LARGE1: variants seen among roughly 807,000 people sequenced by gnomAD.
The protein encoded by LARGE1 is xylosyl- and glucuronyltransferase LARGE1.
LARGE1 carries 43 observed loss-of-function variants against 87.6 expected under a neutral mutation model. The ratio of observed to expected loss-of-function variants is 0.49; its 90% CI spans 0.38 to 0.63. LARGE1 has a LOEUF of 0.63. Among genes scored for constraint, LARGE1 ranks in the 30% least tolerant of loss-of-function variants. LARGE1 has a pLI of 0.00. For missense variants in LARGE1, 802 were observed against 1,000.2 expected (o/e 0.80, Z 2.67); for synonymous variants, 434 against 394.6 (o/e 1.10, Z -1.18).
intron 7 of LARGE1, among the ~76,000 whole-genome samples, chr22:33,394,355 C>A (rs2065644857): frequency 6.6e-6 from 1 of 152,124 alleles, no homozygotes; most frequent in African/African-American, 2.4e-5. Flanking sequence ...TGTGCCACCA[C>A]ACCCAGCTAA....
intron 6 of LARGE1, among the ~76,000 whole-genome samples, chr22:33,500,648 A>G (rs1569216835): frequency 6.6e-6 from 1 of 152,172 alleles, no homozygotes; most frequent in Non-Finnish European, 1.5e-5. Flanking sequence ...CAGGCAAACT[A>G]CTTAACCACT....
At chr22:33,362,141 C>T (rs1203935014) in intron 9 of LARGE1, among the ~76,000 whole-genome samples, 2 of 149,144 alleles carry the variant, frequency 1.3e-5, no homozygotes, top group Admixed American at 6.6e-5. Flanking sequence ...CCCTTGGGCC[C>T]TTCCCTTCTC....
intron 5 of LARGE1, among the ~76,000 whole-genome samples, chr22:33,587,719 G>T: frequency 1.4e-5 from 2 of 138,000 alleles, no homozygotes; most frequent in East Asian, 2.1e-4. Flanking sequence ...CAAATCTACT[G>T]GAGTTTTCCT....
chr22:33,591,050 A>G (rs1350253804), intron 5 of LARGE1, among the ~76,000 whole-genome samples: 1 of 152,028 alleles, frequency 6.6e-6, no homozygotes, highest in Non-Finnish European at 1.5e-5. Flanking sequence ...AAAATACAGA[A>G]ATTAGCTGGG....
intron 11 of LARGE1, among the ~76,000 whole-genome samples, chr22:33,310,033 T>A (rs1026072374): frequency 1.3e-5 from 2 of 152,210 alleles, no homozygotes; most frequent in African/African-American, 4.8e-5. Context: ...CGGTCAGTGC[T>A]TTCAAATGTA....
chr22:33,547,127 T>C (rs538055086), intron 6 of LARGE1, among the ~76,000 whole-genome samples: 1 of 152,166 alleles, frequency 6.6e-6, no homozygotes, highest in African/African-American at 2.4e-5. Flanking sequence ...AAGAAGCTAA[T>C]GTATGTATGT....
At chr22:33,101,588 C>T in the LARGE1 span, among the ~76,000 whole-genome samples, 2 of 152,150 alleles carry the variant, frequency 1.3e-5, no homozygotes, top group East Asian at 3.9e-4. Context: ...CTGGCATTGG[C>T]GTGGGTCTTT....
intron 14 of LARGE1, 89 bp downstream of exon 14, chr22:33,276,971 T>C: frequency 1.6e-6 from 2 of 1,284,546 alleles, no homozygotes; most frequent in South Asian, 1.2e-5. Context: ...CTTAGCTCTC[T>C]GCTTTCTTGT....
chr22:33,282,997 T>C (rs1041837509), intron 13 of LARGE1, among the ~76,000 whole-genome samples: 11 of 152,168 alleles, frequency 7.2e-5, no homozygotes, highest in Non-Finnish European at 1.2e-4. Context: ...CTGTCATCCA[T>C]GCACAAAAAA....
chr22:33,626,318 G>A lies in LARGE1; in HGVS notation c.417C>T (p.His139=), dbSNP rs115575249. 64 of 1,613,688 alleles carry A rather than the reference G, an allele frequency of 4.0e-5. No individual in the cohort carries two copies. Among genetic ancestry groups the A allele is most frequent in the Middle Eastern group, 1.7e-4 (1 of 6,058 alleles). The change falls in exon 4 of 15, where the codon CAC becomes CAT. Residue 139 remains histidine, a synonymous_variant. Transcript: ENST00000397394. ...QPVVEKCETI[H]VAIVCAGYNA... ...TGTATCCGGCGCAGACAATAGCAAC[G>A]TGGATTGTCTGGGAAGAAAAGAAGA...
intron 6 of LARGE1, among the ~76,000 whole-genome samples, chr22:33,467,606 A>G (rs938842271): frequency 2.0e-5 from 3 of 152,210 alleles, no homozygotes; most frequent in African/African-American, 4.8e-5. Flanking sequence ...CATCGCCCAT[A>G]ATGAATTCTG....
intron 6 of LARGE1, among the ~76,000 whole-genome samples, chr22:33,469,237 T>G (rs939186544): frequency 6.6e-6 from 1 of 152,110 alleles, no homozygotes; most frequent in Admixed American, 6.5e-5. Flanking sequence ...CACACATAGG[T>G]TCACTGCAGC....
chr22:33,888,662 C>T (rs2064924395), intron 1 of LARGE1, among the ~76,000 whole-genome samples: 1 of 152,110 alleles, frequency 6.6e-6, no homozygotes, highest in South Asian at 2.1e-4. Flanking sequence ...TAGAAACCAG[C>T]CTGGGCAACA....
intron 7 of LARGE1, among the ~76,000 whole-genome samples, chr22:33,419,771 G>A (rs529530512): frequency 3.0e-4 from 46 of 152,174 alleles, no homozygotes; most frequent in Non-Finnish European, 5.4e-4. Context: ...GCTCACTGCA[G>A]CCTCTGCCTC....
intron 1 of LARGE1, among the ~76,000 whole-genome samples, chr22:33,806,683 C>T (rs1018413002): frequency 6.6e-6 from 1 of 152,148 alleles, no homozygotes; most frequent in Non-Finnish European, 1.5e-5. Flanking sequence ...CTGTGCTACT[C>T]GGAGGAAGAT....
At chr22:33,368,791 T>C (rs2064693943) in intron 9 of LARGE1, among the ~76,000 whole-genome samples, 1 of 152,206 alleles carries the variant, frequency 6.6e-6, no homozygotes, top group South Asian at 2.1e-4. Context: ...AAAAATTATG[T>C]TTAAACTACA....
chr22:33,843,517 T>C (rs1323080019), intron 1 of LARGE1, among the ~76,000 whole-genome samples: 1 of 148,828 alleles, frequency 6.7e-6, no homozygotes, highest in Non-Finnish European at 1.5e-5. Context: ...AGGGAAAGAG[T>C]AGCGGATGCA....
At chr22:33,535,688 G>A (rs1366862378) in intron 6 of LARGE1, among the ~76,000 whole-genome samples, 1 of 152,178 alleles carries the variant, frequency 6.6e-6, no homozygotes, top group Non-Finnish European at 1.5e-5. Flanking sequence ...TAGGGCTGGG[G>A]ATCCATTCCA....
intron 1 of LARGE1, among the ~76,000 whole-genome samples, chr22:33,777,642 AAGGGGG>A (rs1234602104): frequency 2.4e-4 from 13 of 54,824 alleles, no homozygotes; most frequent in Non-Finnish European, 3.6e-4. Context: ...GAGGGAGGGG[AAGGGGG>A]AGGGGGAGGG....
Sources: gnomAD v4.1 joint callset for allele counts (sites outside exome capture counted in the v4.1 genomes callset) on GRCh38, gnomAD v4.1.1 for gene constraint, MANE v1.5 for transcripts, NCBI Gene and HGNC (gene_info 2026-07-23, HGNC 2026-07-21) for gene names.